The following CMTM6 variants were observed in gnomAD, a reference collection of about 807,000 sequenced individuals.
The protein encoded by CMTM6 is CKLF like MARVEL transmembrane domain containing 6, also known as CKLF-like MARVEL transmembrane domain-containing protein 6.
Under a neutral mutation model 13.6 loss-of-function variants are expected in CMTM6, and 5 were observed. The ratio of observed to expected loss-of-function variants is 0.37; its 90% CI spans 0.19 to 0.77. The LOEUF is 0.77. Ranked by LOEUF, CMTM6 falls within the 30% of genes least tolerant of loss-of-function variation. The pLI is 0.50. For synonymous variants in CMTM6, 99 were observed against 84.5 expected, an observed-to-expected ratio of 1.17 and a Z score of -0.94; for missense variants, 196 against 218.6, an observed-to-expected ratio of 0.90 and a Z score of 0.65.
chr3:32,501,073 G>A (rs925331523), intron 1 of CMTM6, among the ~76,000 whole-genome samples: 4 of 150,702 alleles, frequency 2.7e-5, no homozygotes, highest in South Asian at 2.1e-4. Flanking sequence ...GGAGGTGCGT[G>A]CCTGTAGTCC....
intron 2 of CMTM6, among the ~76,000 whole-genome samples, chr3:32,490,309 TA>T (rs1697240561): frequency 6.6e-6 from 1 of 152,078 alleles, no homozygotes; most frequent in Admixed American, 6.5e-5. Context: ...CACATTCCTC[TA>T]AAACAGAAAA....
intron 3 of CMTM6, among the ~76,000 whole-genome samples, chr3:32,485,854 ACAACT>A (rs1697198868): frequency 6.6e-6 from 1 of 152,184 alleles, no homozygotes; most frequent in Admixed American, 6.5e-5. Flanking sequence ...GTATTAGCTG[ACAACT>A]CTATTAATTA....
At chr3:32,491,221 A>G (rs989847104) in intron 2 of CMTM6, among the ~76,000 whole-genome samples, 1 of 152,258 alleles carries the variant, frequency 6.6e-6, no homozygotes, top group Non-Finnish European at 1.5e-5. Context: ...AGCAAAATAT[A>G]GGAAGAATTA....
chr3:32,494,106 T>C (rs1220145322), intron 1 of CMTM6, among the ~76,000 whole-genome samples: 1 of 152,100 alleles, frequency 6.6e-6, no homozygotes, highest in Non-Finnish European at 1.5e-5. Flanking sequence ...TCTAAAGACA[T>C]AGGTAGAAAA....
intron 1 of CMTM6, among the ~76,000 whole-genome samples, chr3:32,500,972 A>T (rs948393721): frequency 6.6e-6 from 1 of 151,850 alleles, no homozygotes; most frequent in Non-Finnish European, 1.5e-5. Flanking sequence ...GGAGGGCGAA[A>T]ATCACCTGAA....
At chr3:32,485,390 A>G (rs1697194108) in intron 3 of CMTM6, among the ~76,000 whole-genome samples, 1 of 152,126 alleles carries the variant, frequency 6.6e-6, no homozygotes, top group Admixed American at 6.6e-5. Flanking sequence ...GGACAGTCTA[A>G]TTAAAATATA....
In CMTM6 at chr3:32,481,819, T is replaced by C. The variant is rs1415504699; in HGVS notation, c.*2141A>G. ...TACTATCTTTCTGAAAAAGAAAGAATTAAGTGACCAACTAAGAGATCCACT... is the reference window on the plus strand; with the variant it reads ...TACTATCTTTCTGAAAAAGAAAGAACTAAGTGACCAACTAAGAGATCCACT... On this transcript the variant is annotated 3_prime_UTR_variant, in exon 4 of 4. Coordinates refer to ENST00000205636, the MANE Select transcript of CMTM6 (RefSeq NM_017801.3). The C allele has an allele frequency of 6.6e-6, 1 of 152,252 alleles. No homozygotes were observed. The highest frequency in any genetic ancestry group is 2.4e-5 in the African/African-American group (1 of 41,480). 9.4% of individuals were successfully genotyped at this position (152,252 alleles called of 1,614,324 possible).
Position 32,502,683 on chromosome 3 carries a change from G to A in CMTM6, c.63C>T (p.Pro21=). The A allele has an allele frequency of 6.3e-7, 1 of 1,588,338 alleles. No individual in the cohort carries two copies. Among genetic ancestry groups the A allele is most frequent in the Non-Finnish European group, 8.6e-7 (1 of 1,169,488 alleles). The change falls in exon 1 of 4, where the codon CCC becomes CCT. Residue 21 remains proline (P), a synonymous_variant. Coordinates refer to ENST00000205636, the MANE Select transcript of CMTM6 (RefSeq NM_017801.3). ...AAAAGTAGGCAGCGAGGCCGCTCCG[G>A]GGGCCTCTGGCGGGGCCCGGGTCCT... ...TEEDPGPARG[P]RSGLAAYFFM...
chr3:32,487,579 C>A (rs1189472289), intron 3 of CMTM6, among the ~76,000 whole-genome samples: 1 of 152,172 alleles, frequency 6.6e-6, no homozygotes, highest in Non-Finnish European at 1.5e-5. Flanking sequence ...GTCTCTGAAT[C>A]ATTTCTCCCA....
intron 2 of CMTM6, among the ~76,000 whole-genome samples, chr3:32,491,339 C>G (rs77822833): frequency 0.013 from 2,011 of 152,302 alleles, 19 homozygotes; most frequent in Non-Finnish European, 0.022. Flanking sequence ...TCTCCAATGT[C>G]TAGCATATAA....
chr3:32,497,486 G>A (rs1697305087), intron 1 of CMTM6, among the ~76,000 whole-genome samples: 1 of 150,834 alleles, frequency 6.6e-6, no homozygotes, highest in Non-Finnish European at 1.5e-5. Flanking sequence ...TGAGGGGTGG[G>A]AAAGTGGTTT....
intron 2 of CMTM6, among the ~76,000 whole-genome samples, chr3:32,489,192 C>T (rs1697229980): frequency 6.6e-6 from 1 of 151,024 alleles, no homozygotes; most frequent in Non-Finnish European, 1.5e-5. Context: ...ATCACTTGAA[C>T]CCAGGAGGCA....
At position 32,481,508 on chromosome 3, in the gene CMTM6, A is replaced by ATAAT. The variant is rs1213171360; in HGVS notation, c.*2448_*2451dup. 2 of 152,174 alleles carry ATAAT rather than the reference A, an allele frequency of 1.3e-5. No individual in the cohort carries two copies. The highest frequency in any genetic ancestry group is 2.9e-5 in the Non-Finnish European group (2 of 68,030). 9.4% of individuals were successfully genotyped at this position (152,174 alleles called of 1,614,324 possible). A position where few individuals can be genotyped will look rare whatever the true frequency, so the allele number is the denominator to read the frequency against. On this transcript the variant is annotated 3_prime_UTR_variant, in exon 4 of 4. Transcript: ENST00000205636. Reference sequence around the variant, plus strand: ...TTTGTACTGTGAGTTCATTTCTCTTATAATTCTTGAGAACCATTCTAAGCA... The same window carrying ATAAT: ...TTTGTACTGTGAGTTCATTTCTCTTATAATTAATTCTTGAGAACCATTCTAAGCA...
chr3:32,487,834 A>G (rs986148603), intron 3 of CMTM6, 104 bp downstream of exon 3: 2 of 701,980 alleles, frequency 2.8e-6, no homozygotes, highest in African/African-American at 1.8e-5. Context: ...AGTAAGTTAT[A>G]AGAAAAACAA....
At position 32,491,837 on chromosome 3, in the gene CMTM6, G is replaced by C; in HGVS notation, c.188C>G (p.Thr63Ser). The change falls in exon 2 of 4, where the codon ACT (threonine) becomes AGT (serine). Residue 63 changes from threonine to serine, a missense_variant. By Grantham distance (58) the Thr-to-Ser change is moderately conservative. This residue lies in a region of CMTM6 where 111 missense variants were observed against 160.0 expected (regional missense o/e 0.69). Coordinates refer to ENST00000205636, the MANE Select transcript of CMTM6 (RefSeq NM_017801.3). ...FICEEVVSQC[T>S]LCGGLYFFEF... ...AAAAAAATAAAGTCCTCCACATAAA[G>C]TACATTGTGATACAACTTCTTCACA... 1.2e-6 allele frequency: 2 copies of C among 1,613,378 alleles called. No individual in the cohort carries two copies. Among genetic ancestry groups the C allele is most frequent in the Non-Finnish European group, 1.7e-6 (2 of 1,179,732 alleles).
chr3:32,497,690 T>A (rs1697308672), intron 1 of CMTM6, among the ~76,000 whole-genome samples: 1 of 151,272 alleles, frequency 6.6e-6, no homozygotes, highest in East Asian at 2.0e-4. Context: ...AAACCCCGTC[T>A]CTATCAAAAA....
intron 2 of CMTM6, among the ~76,000 whole-genome samples, chr3:32,490,844 G>T (rs1461975593): frequency 6.6e-6 from 1 of 152,010 alleles, no homozygotes; most frequent in East Asian, 1.9e-4. Flanking sequence ...TTTCCAGCCA[G>T]AATTTGGAAT....
At chr3:32,490,498 G>C (rs551677704) in intron 2 of CMTM6, among the ~76,000 whole-genome samples, 11 of 152,176 alleles carry the variant, frequency 7.2e-5, no homozygotes, top group Non-Finnish European at 1.5e-4. Context: ...AAAAAGACTT[G>C]AAAGGAATAC....
chr3:32,494,110 T>C (rs1213408495), intron 1 of CMTM6, among the ~76,000 whole-genome samples: 1 of 152,122 alleles, frequency 6.6e-6, no homozygotes, highest in East Asian at 1.9e-4. Context: ...AAGACATAGG[T>C]AGAAAAATGG....
Sources: gnomAD v4.1 joint callset for allele counts (sites outside exome capture counted in the v4.1 genomes callset) on GRCh38, gnomAD v4.1.1 for gene constraint, gnomAD v4.1.1 regional missense constraint, MANE v1.5 for transcripts, NCBI Gene and HGNC (gene_info 2026-07-23, HGNC 2026-07-21) for gene names.